The following PRIM2 variants were observed in gnomAD, a reference collection of about 807,000 sequenced individuals.
The protein encoded by PRIM2 is DNA primase subunit 2, also known as DNA primase large subunit.
A neutral mutation model predicts 67.3 loss-of-function variants in PRIM2; 39 were observed. The observed-to-expected ratio is 0.58, with a 90% CI of 0.45 to 0.76. The LOEUF (loss-of-function observed/expected upper bound fraction) is 0.76, where lower values mean the gene tolerates loss of function less well. PRIM2 is among the 30% of genes least tolerant of loss of function. The probability of loss-of-function intolerance (pLI) is 0.00; values close to 1 mark genes in which losing one functional copy is unlikely to be tolerated. For missense variants in PRIM2, 398 were observed against 598.7 expected (o/e 0.66, Z 3.50); for synonymous variants, 143 against 198.7 (o/e 0.72, Z 2.36).
intron 10 of PRIM2, among the ~76,000 whole-genome samples, chr6:57,583,078 A>G (rs1288497258): frequency 6.7e-6 from 1 of 149,022 alleles, no homozygotes; most frequent in Non-Finnish European, 1.5e-5. Context: ...GAGAATGATG[A>G]TTTCCAATTT....
the PRIM2 span, among the ~76,000 whole-genome samples, chr6:57,267,270 C>T: frequency 6.6e-6 from 1 of 152,052 alleles, no homozygotes; most frequent in Non-Finnish European, 1.5e-5. Context: ...TTTTGGTATT[C>T]ATTATCTACT....
intron 7 of PRIM2, among the ~76,000 whole-genome samples, chr6:57,409,074 T>G (rs537771509): frequency 3.9e-4 from 59 of 152,274 alleles, no homozygotes; most frequent in South Asian, 8.3e-4. Context: ...TATACCACAA[T>G]TTGTTTATCT....
chr6:57,532,185 G>C (rs1440699211), intron 8 of PRIM2, among the ~76,000 whole-genome samples: 2 of 152,172 alleles, frequency 1.3e-5, no homozygotes, highest in Non-Finnish European at 2.9e-5. Context: ...CTCTAGACTA[G>C]GAGTCAGGAG....
chr6:57,613,741 C>T (rs1465826993), intron 12 of PRIM2, among the ~76,000 whole-genome samples: 1 of 152,218 alleles, frequency 6.6e-6, no homozygotes, highest in Non-Finnish European at 1.5e-5. Flanking sequence ...CAGGTACTAC[C>T]TGCACATGCA....
chr6:57,384,238 A>T (rs992693949), intron 7 of PRIM2, among the ~76,000 whole-genome samples: 1 of 152,126 alleles, frequency 6.6e-6, no homozygotes, highest in Non-Finnish European at 1.5e-5. Flanking sequence ...CGGCATGGCC[A>T]TGCTTCCTCT....
chr6:57,436,246 C>T (rs1471021100), intron 7 of PRIM2, among the ~76,000 whole-genome samples: 1 of 152,138 alleles, frequency 6.6e-6, no homozygotes, highest in Non-Finnish European at 1.5e-5. Flanking sequence ...ACCACTGGGA[C>T]AGCTTGGTTT....
the PRIM2 span, among the ~76,000 whole-genome samples, chr6:57,295,899 T>C: frequency 6.6e-6 from 1 of 152,106 alleles, no homozygotes; most frequent in Non-Finnish European, 1.5e-5. Context: ...ATGAAAAGAA[T>C]GGAGGGATGG....
At chr6:57,553,616 G>A (rs1211037069) in intron 10 of PRIM2, among the ~76,000 whole-genome samples, 5 of 151,282 alleles carry the variant, frequency 3.3e-5, no homozygotes, top group Admixed American at 2.0e-4. Context: ...ATGCACTTTC[G>A]TTGCCCTTCT....
intron 7 of PRIM2, among the ~76,000 whole-genome samples, chr6:57,499,831 T>C (rs1196561511): frequency 2.0e-5 from 3 of 152,202 alleles, no homozygotes; most frequent in Non-Finnish European, 4.4e-5. Flanking sequence ...TTAATGACAG[T>C]TGGACATCCC....
At chr6:57,537,028 T>C (rs2127469895) in intron 9 of PRIM2, among the ~76,000 whole-genome samples, 1 of 152,354 alleles carries the variant, frequency 6.6e-6, no homozygotes, top group East Asian at 1.9e-4. Context: ...ATTGTATCAA[T>C]GTCAGTATCC....
chr6:57,610,963 T>C (rs1776656163), intron 12 of PRIM2, among the ~76,000 whole-genome samples: 1 of 152,132 alleles, frequency 6.6e-6, no homozygotes, highest in East Asian at 1.9e-4. Context: ...CAAATGTAAA[T>C]AATTTGAAAT....
Position 57,346,181 on chromosome 6 carries a change from T to G in PRIM2, c.459+20136T>G, listed in dbSNP as rs565291858. Among the ~76,000 whole-genome samples the G allele has an allele frequency of 1.4e-4, 21 of 152,300 alleles. No individual in the cohort carries two copies. In the South Asian group the frequency reaches 4.4e-3, roughly 32 times the overall value. ...CTGAGAATGCCTAACCTCTTGGGAA[T>G]GCAGCCCATCAAGTGCGAGCCTCAT... On this transcript the variant is annotated intron_variant, in intron 5 of 13. Transcript: ENST00000615550.
the PRIM2 span, among the ~76,000 whole-genome samples, chr6:57,229,207 C>T: frequency 6.6e-6 from 1 of 152,154 alleles, no homozygotes; most frequent in East Asian, 1.9e-4. Context: ...TTTTCTGGAA[C>T]TCCTATTAAG....
chr6:57,365,949 C>CAAACAA (rs373582471), intron 5 of PRIM2, among the ~76,000 whole-genome samples: 3 of 62,646 alleles, frequency 4.8e-5, no homozygotes, highest in Non-Finnish European at 9.0e-5. Flanking sequence ...GACCATATCT[C>CAAACAA]AAAAAAAAAA....
At chr6:57,459,295 A>G (rs1203623819) in intron 7 of PRIM2, among the ~76,000 whole-genome samples, 1 of 152,064 alleles carries the variant, frequency 6.6e-6, no homozygotes, top group Non-Finnish European at 1.5e-5. Context: ...CCTTTCCTTT[A>G]CTTTCCACCT....
At chr6:57,563,716 A>G (rs1775683604) in intron 10 of PRIM2, among the ~76,000 whole-genome samples, 1 of 152,200 alleles carries the variant, frequency 6.6e-6, no homozygotes, top group Non-Finnish European at 1.5e-5. Flanking sequence ...ATCTTCGCTC[A>G]CTGCAACCTC....
At chr6:57,308,891 TAA>T in the PRIM2 span, among the ~76,000 whole-genome samples, 1 of 151,984 alleles carries the variant, frequency 6.6e-6, no homozygotes. Flanking sequence ...AATTTTACTT[TAA>T]GTTCTGAGAT....
At chr6:57,431,185 A>T (rs1446432184) in intron 7 of PRIM2, among the ~76,000 whole-genome samples, 1 of 151,510 alleles carries the variant, frequency 6.6e-6, no homozygotes, top group Non-Finnish European at 1.5e-5. Context: ...TAATGTGTCC[A>T]AATAGAGATT....
At chr6:57,233,011 G>A in the PRIM2 span, among the ~76,000 whole-genome samples, 1 of 152,340 alleles carries the variant, frequency 6.6e-6, no homozygotes, top group South Asian at 2.1e-4. Context: ...AGAAATACTA[G>A]CAAAGATATA....
Sources: gnomAD v4.1 joint callset for allele counts (sites outside exome capture counted in the v4.1 genomes callset) on GRCh38, gnomAD v4.1.1 for gene constraint, MANE v1.5 for transcripts, NCBI Gene and HGNC (gene_info 2026-07-23, HGNC 2026-07-21) for gene names.